DAGLA: variants seen among roughly 807,000 people sequenced by gnomAD.
DAGLA encodes the protein diacylglycerol lipase-alpha.
A neutral mutation model predicts 102.6 loss-of-function variants in DAGLA; 22 were observed. That is an observed-to-expected ratio of 0.21 (90% CI 0.15 to 0.31). DAGLA has a LOEUF of 0.31. DAGLA is among the 10% of genes least tolerant of loss of function. The pLI, the probability that DAGLA is intolerant of heterozygous loss-of-function variation, is 1.00. For synonymous variants in DAGLA, 578 were observed against 628.9 expected (o/e 0.92, Z 1.21); for missense variants, 927 against 1,446.6 (o/e 0.64, Z 5.83).
chr11:61,737,281 A>G lies in DAGLA; in HGVS notation c.1471A>G (p.Thr491Ala), dbSNP rs2065431406. The change falls in exon 14 of 20, where the codon ACC becomes GCC. Residue 491 changes from threonine to alanine, a missense_variant. Around this residue, in one of 4 missense-constraint regions of DAGLA, gnomAD observed 218 missense variants for 459.6 expected, o/e 0.47. Coordinates refer to ENST00000257215, the MANE Select transcript of DAGLA (RefSeq NM_006133.3). ...LSFLLRPQYP[T>A]LKCFAYSPPG... ...CTTCCTTCTGCGCCCACAGTATCCG[A>G]CCCTCAAGTGCTTTGCCTACTCCCC... The G allele has an allele frequency of 6.2e-7, 1 of 1,612,696 alleles. No individual in the cohort carries two copies. Among genetic ancestry groups the G allele is most frequent in the Non-Finnish European group, 8.5e-7 (1 of 1,180,008 alleles).
rs373453131 is a variant in DAGLA at position 61,741,660 on chromosome 11, G to A, written c.2171+311G>A. Among the ~76,000 whole-genome samples the A allele has an allele frequency of 1.4e-4, 21 of 146,902 alleles. No individual in the cohort carries two copies. In the South Asian group the frequency reaches 3.0e-3, roughly 21 times the overall value. ...AAGTCTCGCTCTTTTCCCCCAGGCCGGAGTGCAATGGCGCGACCTTGGCTC... is the reference window on the plus strand; with the variant it reads ...AAGTCTCGCTCTTTTCCCCCAGGCCAGAGTGCAATGGCGCGACCTTGGCTC... On this transcript the variant is annotated intron_variant, in intron 19 of 19. Coordinates refer to ENST00000257215, the MANE Select transcript of DAGLA (RefSeq NM_006133.3).
At chr11:61,715,943 G>A (rs906317906) in intron 1 of DAGLA, among the ~76,000 whole-genome samples, 1 of 152,144 alleles carries the variant, frequency 6.6e-6, no homozygotes, top group Non-Finnish European at 1.5e-5. Flanking sequence ...TCTAGCCAGA[G>A]GGGGGGGAGA....
chr11:61,739,400 T>G, intron 16 of DAGLA, 65 bp from the exon 17 acceptor site: 420 of 913,330 alleles, frequency 4.6e-4, no homozygotes, highest in Middle Eastern at 6.6e-4. Context: ...TCGGTCCCCC[T>G]GCCCCTGCCC....
At chr11:61,739,314 T>C (rs1191249627) in intron 16 of DAGLA, 151 bp from the exon 17 acceptor site, 2 of 775,362 alleles carry the variant, frequency 2.6e-6, no homozygotes, top group Non-Finnish European at 4.1e-6. Context: ...CACCGACCTT[T>C]AATGCTCTGG....
rs554520252 is a variant in DAGLA at position 61,735,439 on chromosome 11, G to A, written c.1129-122G>A. The A allele has an allele frequency of 1.5e-4, 123 of 842,212 alleles. No homozygotes were observed. The South Asian group carries it at 2.0e-3, about 13-fold the overall frequency. 52.2% of individuals were successfully genotyped at this position (842,212 alleles called of 1,614,324 possible). ...CTGGGAGCCCGTCAGCCTTTCTGGC[G>A]GCAGAGGCTCCGTGGCTGGTGGAGC... On this transcript the variant is annotated intron_variant, in intron 10 of 19. Coordinates refer to ENST00000257215, the MANE Select transcript of DAGLA (RefSeq NM_006133.3).
At chr11:61,681,079 G>C (rs539070088) in intron 1 of DAGLA, among the ~76,000 whole-genome samples, 1 of 152,236 alleles carries the variant, frequency 6.6e-6, no homozygotes, top group Non-Finnish European at 1.5e-5. Context: ...GGTGCGGGGG[G>C]CTACCCGGCA....
intron 9 of DAGLA, among the ~76,000 whole-genome samples, chr11:61,733,333 TCAC>T (rs2065392258): frequency 1.3e-5 from 2 of 152,182 alleles, no homozygotes; most frequent in Admixed American, 1.3e-4. Flanking sequence ...CCCTGGCCCA[TCAC>T]CACTTGACCT....
chr11:61,737,100 A>C, intron 13 of DAGLA, 82 bp from the exon 14 acceptor site: 1 of 1,576,432 alleles, frequency 6.3e-7, no homozygotes, highest in South Asian at 1.1e-5. Flanking sequence ...AGATGGGAAG[A>C]CCCTCTGCCT....
chr11:61,723,843 G>A (rs1333266123), intron 5 of DAGLA, among the ~76,000 whole-genome samples: 1 of 152,262 alleles, frequency 6.6e-6, no homozygotes, highest in Non-Finnish European at 1.5e-5. Flanking sequence ...CACTGGGTAA[G>A]TGCTCGGTTA....
intron 6 of DAGLA, 24 bp from the exon 7 acceptor site, chr11:61,728,129 C>T: frequency 6.2e-7 from 1 of 1,613,516 alleles, no homozygotes; most frequent in Non-Finnish European, 8.5e-7. Flanking sequence ...CTGCCACTGC[C>T]TCCTGCCTTC....
chr11:61,692,461 C>T (rs956852453), intron 1 of DAGLA, among the ~76,000 whole-genome samples: 2 of 152,118 alleles, frequency 1.3e-5, no homozygotes, highest in Non-Finnish European at 2.9e-5. Flanking sequence ...TGAGCCCTGC[C>T]TTGGGCTTAC....
At chr11:61,705,388 G>A (rs2065140697) in intron 1 of DAGLA, among the ~76,000 whole-genome samples, 1 of 152,190 alleles carries the variant, frequency 6.6e-6, no homozygotes, top group African/African-American at 2.4e-5. Context: ...CAGCCTGCCT[G>A]CTTTGGCCTC....
intron 1 of DAGLA, among the ~76,000 whole-genome samples, chr11:61,697,666 GT>G (rs578171832): frequency 5.3e-5 from 8 of 151,606 alleles, no homozygotes; most frequent in Non-Finnish European, 7.4e-5. Context: ...ATATTCTCCT[GT>G]TTTTTTTTAT....
At chr11:61,737,549 C>T (rs2065434442) in intron 14 of DAGLA, 138 bp from the exon 15 acceptor site, 1 of 1,043,988 alleles carries the variant, frequency 9.6e-7, no homozygotes, top group Non-Finnish European at 1.5e-6. Context: ...GCAGGCAACC[C>T]AGCCTGCCAC....
Position 61,743,362 on chromosome 11 carries a change from C to CAAA in DAGLA, c.2172-153_2172-151dup, listed in dbSNP as rs374336921. 5.8e-5 allele frequency among the ~76,000 whole-genome samples: 3 copies of CAAA among 51,942 alleles called. 1 individual carries two copies. The highest frequency in any genetic ancestry group is 2.0e-4 in the African/African-American group (3 of 15,144). The allele number at this position is 51,942 out of a possible 152,430, so 34.1% of individuals were successfully genotyped here. ...TGGGCGACAGAGCGAGACTCTGTCT[C>CAAA]AAAAAAAAAAAAAAAAAAAGAAAAT... On this transcript the variant is annotated intron_variant, in intron 19 of 19. Transcript: ENST00000257215.
intron 6 of DAGLA, 52 bp from the exon 7 acceptor site, chr11:61,728,101 G>T: frequency 6.2e-7 from 1 of 1,606,286 alleles, no homozygotes; most frequent in South Asian, 1.1e-5. Context: ...CTGGCCTCTC[G>T]TCCTCTCTCC....
intron 1 of DAGLA, among the ~76,000 whole-genome samples, chr11:61,703,724 T>C (rs944334479): frequency 3.9e-5 from 6 of 151,990 alleles, no homozygotes; most frequent in African/African-American, 1.5e-4. Context: ...GATGAATGGA[T>C]TGTAGGTGCA....
At chr11:61,741,465 G>A (rs2065479208) in intron 19 of DAGLA, 116 bp downstream of exon 19, 2 of 1,189,736 alleles carry the variant, frequency 1.7e-6, no homozygotes, top group African/African-American at 1.5e-5. Flanking sequence ...ACGTGCACAG[G>A]AGGGGTCAAA....
intron 1 of DAGLA, among the ~76,000 whole-genome samples, chr11:61,700,832 C>T (rs1267284798): frequency 6.6e-6 from 1 of 152,186 alleles, no homozygotes; most frequent in African/African-American, 2.4e-5. Flanking sequence ...GCCAATAGCC[C>T]GATCCTCAGG....
Sources: allele counts gnomAD v4.1 joint callset (sites outside exome capture counted in the v4.1 genomes callset), GRCh38; gene constraint gnomAD v4.1.1; regional missense constraint gnomAD v4.1.1; transcripts MANE v1.5; gene names NCBI Gene and HGNC (gene_info 2026-07-23, HGNC 2026-07-21).